The following RNF212B variants were observed in gnomAD, a reference collection of about 807,000 sequenced individuals.
RNF212B encodes E3 ubiquitin-protein ligase RNF212B.
In RNF212B, 52 loss-of-function variants were observed where a neutral mutation model predicts 55.5. That is an observed-to-expected ratio of 0.94 (90% confidence interval 0.75 to 1.18). The LOEUF is 1.18. Among genes scored for constraint, RNF212B ranks in the 50% most tolerant of loss-of-function variants. The probability of loss-of-function intolerance (pLI) is 0.00; values close to 1 mark genes in which losing one functional copy is unlikely to be tolerated. For synonymous variants in RNF212B, 99 were observed against 121.4 expected (o/e 0.82, Z 1.21); for missense variants, 289 against 350.4 (o/e 0.82, Z 1.40).
chr14:23,258,716 A>G, intron 5 of RNF212B, 52 bp downstream of exon 5: 1 of 790,510 alleles, frequency 1.3e-6, no homozygotes, highest in Non-Finnish European at 2.0e-6. Context: ...TTTTTTTCTA[A>G]GAAGTGACAG....
chr14:23,271,256 T>C (rs1886055871), intron 14 of RNF212B, among the ~76,000 whole-genome samples: 1 of 152,032 alleles, frequency 6.6e-6, no homozygotes. Flanking sequence ...CTGACCAATA[T>C]GGTAAAACCC....
intron 2 of RNF212B, among the ~76,000 whole-genome samples, chr14:23,227,979 C>T (rs887180563): frequency 6.6e-6 from 1 of 151,972 alleles, no homozygotes; most frequent in Non-Finnish European, 1.5e-5. Flanking sequence ...GCCTGTAATC[C>T]CAGCACTTTG....
chr14:23,256,251 C>T (rs528153296), intron 4 of RNF212B, among the ~76,000 whole-genome samples: 6 of 152,262 alleles, frequency 3.9e-5, no homozygotes, highest in South Asian at 2.1e-4. Context: ...ATTTGGGATA[C>T]TAACATTGTG....
intron 1 of RNF212B, chr14:23,193,191 CA>C (rs1294429251): frequency 1.3e-5 from 2 of 150,694 alleles, no homozygotes; most frequent in East Asian, 3.9e-4. Flanking sequence ...GCAATGTCTT[CA>C]AAATTGAGAA....
chr14:23,204,394 A>G (rs1273579666), intron 2 of RNF212B, among the ~76,000 whole-genome samples: 3 of 152,098 alleles, frequency 2.0e-5, no homozygotes, highest in Non-Finnish European at 4.4e-5. Context: ...TCTTGAGTTG[A>G]TTTTTGTATA....
At chr14:23,230,934 A>G (rs1882564811) in intron 2 of RNF212B, among the ~76,000 whole-genome samples, 1 of 152,106 alleles carries the variant, frequency 6.6e-6, no homozygotes, top group Non-Finnish European at 1.5e-5. Flanking sequence ...CATAGATGTG[A>G]GGGTTTATTT....
chr14:23,204,926 G>A (rs1450369718), intron 2 of RNF212B, among the ~76,000 whole-genome samples: 1 of 151,966 alleles, frequency 6.6e-6, no homozygotes, highest in Non-Finnish European at 1.5e-5. Flanking sequence ...CCTTGTAGAG[G>A]TCAACAAGGA....
rs1489800181 is a variant in RNF212B, at chr14:23,268,927, C to T, written c.638C>T (p.Thr213Ile). The T allele has an allele frequency of 1.5e-5, 24 of 1,550,294 alleles. No homozygotes were observed. In the East Asian group the frequency reaches 4.9e-4, roughly 32 times the overall value. Residue 213 changes from threonine (T) to isoleucine (I), a missense_variant, in exon 12 of 15, where the codon ACC (threonine) becomes ATC (isoleucine). Thr to Ile is a moderately conservative substitution (Grantham distance 89). Transcript: ENST00000430154. ...GGCTTATTTTTATGCTTTCCAGAAACCCCTTCACCGGCTTCAACTCATAGC... is the reference window on the plus strand; with the variant it reads ...GGCTTATTTTTATGCTTTCCAGAAATCCCTTCACCGGCTTCAACTCATAGC... ...RRTPRDSYNE[T>I]PSPASTHSLS...
chr14:23,211,009 G>A (rs1880456312), intron 2 of RNF212B, among the ~76,000 whole-genome samples: 1 of 151,926 alleles, frequency 6.6e-6, no homozygotes, highest in African/African-American at 2.4e-5. Flanking sequence ...CACGAGGTCA[G>A]GACTTCGAGA....
intron 1 of RNF212B, among the ~76,000 whole-genome samples, chr14:23,188,581 C>G (rs796307787): frequency 2.0e-5 from 3 of 152,000 alleles, no homozygotes; most frequent in African/African-American, 7.2e-5. Flanking sequence ...ATCCTCCTGC[C>G]TCAGCCTCTC....
chr14:23,208,042 C>G (rs1880020331), intron 2 of RNF212B, among the ~76,000 whole-genome samples: 1 of 152,162 alleles, frequency 6.6e-6, no homozygotes, highest in Non-Finnish European at 1.5e-5. Context: ...ACAGGGGTGA[C>G]TTTGAAGAGA....
intron 2 of RNF212B, among the ~76,000 whole-genome samples, chr14:23,209,034 A>T (rs1229782057): frequency 6.6e-6 from 1 of 152,172 alleles, no homozygotes; most frequent in Non-Finnish European, 1.5e-5. Flanking sequence ...CTGGGATTAC[A>T]GGCGTGAGCC....
intron 2 of RNF212B, among the ~76,000 whole-genome samples, chr14:23,221,079 C>G (rs1881528540): frequency 6.6e-6 from 1 of 151,914 alleles, no homozygotes; most frequent in Non-Finnish European, 1.5e-5. Context: ...ACACAATGAT[C>G]TGTCACCTAG....
intron 2 of RNF212B, among the ~76,000 whole-genome samples, chr14:23,209,007 C>G: frequency 6.6e-6 from 1 of 152,110 alleles, no homozygotes; most frequent in Non-Finnish European, 1.5e-5. Context: ...ATCCGCCCGC[C>G]TTGGCCTCCC....
At chr14:23,185,927 C>T (rs1037741298) in intron 1 of RNF212B, among the ~76,000 whole-genome samples, 1 of 151,970 alleles carries the variant, frequency 6.6e-6, no homozygotes, top group African/African-American at 2.4e-5. Flanking sequence ...TGGTGAAACC[C>T]CATCTCTACA....
chr14:23,257,651 CA>C (rs1358876410), intron 4 of RNF212B, among the ~76,000 whole-genome samples: 1 of 152,170 alleles, frequency 6.6e-6, no homozygotes. Context: ...AAAGCTAAAA[CA>C]CTTTCTAAAT....
chr14:23,260,561 G>T (rs1188322190), intron 6 of RNF212B, 98 bp from the exon 7 acceptor site: 2 of 1,086,384 alleles, frequency 1.8e-6, no homozygotes, highest in African/African-American at 3.1e-5. Flanking sequence ...CCATGACTAA[G>T]GGGCACTGAG....
At chr14:23,202,200 G>A (rs969014325) in intron 2 of RNF212B, among the ~76,000 whole-genome samples, 5 of 149,800 alleles carry the variant, frequency 3.3e-5, no homozygotes, top group African/African-American at 7.4e-5. Context: ...GCAGTGAGCC[G>A]AGATTGCGCA....
At chr14:23,200,984 C>T (rs10139243) in intron 2 of RNF212B, among the ~76,000 whole-genome samples, 115,686 of 152,118 alleles carry the variant, frequency 0.76, 44,623 homozygotes, top group South Asian at 0.89. Context: ...AACAAATATG[C>T]TCCAAATTTT....
Sources: allele counts gnomAD v4.1 joint callset (sites outside exome capture counted in the v4.1 genomes callset), GRCh38; gene constraint gnomAD v4.1.1; transcripts MANE v1.5; gene names NCBI Gene and HGNC (gene_info 2026-07-23, HGNC 2026-07-21).